The following HELZ variants were observed in gnomAD, a reference collection of about 807,000 sequenced individuals.
The protein encoded by HELZ is ATP-dependent RNA helicase with zinc finger domain.
In HELZ, 23 loss-of-function variants were observed where a neutral mutation model predicts 218.2. The ratio of observed to expected loss-of-function variants is 0.11; its 90% CI spans 0.08 to 0.15. The LOEUF is 0.15. Among genes scored for constraint, HELZ ranks in the 10% least tolerant of loss-of-function variants. The pLI is 1.00. For synonymous variants in HELZ, 814 were observed against 829.4 expected (o/e 0.98, Z 0.32); for missense variants, 1,813 against 2,353.7 (o/e 0.77, Z 4.75).
chr17:67,245,620 C>A, upstream of HELZ: 1 of 757,080 alleles, frequency 1.3e-6, no homozygotes, highest in Non-Finnish European at 1.6e-6. Context: ...TTCCAGGAAG[C>A]CCGCGAGCGG....
At chr17:67,133,587 T>C (rs2038054085) in intron 23 of HELZ, among the ~76,000 whole-genome samples, 1 of 152,104 alleles carries the variant, frequency 6.6e-6, no homozygotes, top group Non-Finnish European at 1.5e-5. Flanking sequence ...AGTGGCGTGA[T>C]CACTAGAGCC....
chr17:67,127,163 C>T (rs2037825950), intron 24 of HELZ, among the ~76,000 whole-genome samples: 1 of 152,150 alleles, frequency 6.6e-6, no homozygotes, highest in African/African-American at 2.4e-5. Context: ...AACAAGATCT[C>T]CTTGGTAGAA....
chr17:67,219,314 C>G (rs983194875), intron 3 of HELZ, among the ~76,000 whole-genome samples: 1 of 152,222 alleles, frequency 6.6e-6, no homozygotes, highest in African/African-American at 2.4e-5. Flanking sequence ...ACTGTATGAA[C>G]TGTCCATTAA....
chr17:67,144,484 TA>T (rs202236292), intron 21 of HELZ, among the ~76,000 whole-genome samples: 1,939 of 129,206 alleles, frequency 0.015, 30 homozygotes, highest in African/African-American at 0.043. Context: ...GAACAAATAT[TA>T]AAAAAAAAAA....
chr17:67,244,551 T>C, intron 1 of HELZ: 1 of 934,244 alleles, frequency 1.1e-6, no homozygotes, highest in Non-Finnish European at 1.3e-6. Flanking sequence ...TTGATGTGCT[T>C]GTGGGCCAAA....
intron 2 of HELZ, among the ~76,000 whole-genome samples, chr17:67,242,883 TG>T (rs2041364042): frequency 6.6e-6 from 1 of 151,574 alleles, no homozygotes; most frequent in Non-Finnish European, 1.5e-5. Context: ...ACAGATGTTG[TG>T]ATAGACACGA....
At chr17:67,088,676 G>A (rs1280327516) in intron 31 of HELZ, among the ~76,000 whole-genome samples, 1 of 152,170 alleles carries the variant, frequency 6.6e-6, no homozygotes, top group Non-Finnish European at 1.5e-5. Context: ...CTGCCATCTG[G>A]TTAATTTCTT....
Position 67,087,018 on chromosome 17 carries a change from G to A in HELZ, c.5305C>T (p.Pro1769Ser). 6.2e-7 allele frequency: 1 copy of A among 1,613,930 alleles called. No homozygotes were observed. Among genetic ancestry groups the A allele is most frequent in the Non-Finnish European group, 8.5e-7 (1 of 1,179,876 alleles). Residue 1769 changes from proline to serine, a missense_variant, in exon 32 of 33, where the codon CCT becomes TCT. Pro to Ser is a moderately conservative substitution (Grantham distance 74). Around this residue, in one of 4 missense-constraint regions of HELZ, gnomAD observed 938 missense variants for 1,027.5 expected, o/e 0.91. Coordinates refer to ENST00000358691, the MANE Select transcript of HELZ (RefSeq NM_014877.4). The stretch of plus-strand genomic sequence containing the variant: ...GGAGTGCTTACTTCTTCAGAACAAG[G>A]TTGAACTGAGCTAGATGAGATTCTT... ...QRRISSSSVQ[P>S]CSEEVSTPQD...
chr17:67,103,856 T>C (rs2037005626), intron 31 of HELZ, among the ~76,000 whole-genome samples: 1 of 152,194 alleles, frequency 6.6e-6, no homozygotes, highest in African/African-American at 2.4e-5. Context: ...ACTACAATAC[T>C]ACAGTGTACA....
Position 67,214,259 on chromosome 17 carries a change from C to CTTTTTT in HELZ, c.247+1634_247+1639dup, listed in dbSNP as rs777420102. On this transcript the variant is annotated intron_variant, in intron 5 of 32. Coordinates refer to ENST00000358691, the MANE Select transcript of HELZ (RefSeq NM_014877.4). ...TTAATGAATGGTTAAATTAATATTT[C>CTTTTTT]TTTTTTTTTTTTTTTTTTTTTTTTG... 3.3e-4 allele frequency among the ~76,000 whole-genome samples: 29 copies of CTTTTTT among 87,728 alleles called. 1 individual carries two copies. Among genetic ancestry groups the CTTTTTT allele is most frequent in the East Asian group, 3.9e-4 (1 of 2,532 alleles). 57.6% of individuals were successfully genotyped at this position (87,728 alleles called of 152,430 possible).
chr17:67,179,938 C>A (rs1333830934), intron 12 of HELZ, among the ~76,000 whole-genome samples: 1 of 152,058 alleles, frequency 6.6e-6, no homozygotes, highest in South Asian at 2.1e-4. Flanking sequence ...ATTGCCATGT[C>A]TTTTTTAGTG....
chr17:67,130,542 A>G (rs1274190150), intron 23 of HELZ, among the ~76,000 whole-genome samples: 1 of 152,214 alleles, frequency 6.6e-6, no homozygotes, highest in Non-Finnish European at 1.5e-5. Flanking sequence ...CAGGAAATAC[A>G]TGCTGAAAAG....
chr17:67,202,750 C>T (rs1368917896), intron 6 of HELZ, among the ~76,000 whole-genome samples: 1 of 152,168 alleles, frequency 6.6e-6, no homozygotes, highest in African/African-American at 2.4e-5. Flanking sequence ...AAGAAAATCA[C>T]TTAGTTAACC....
At chr17:67,150,898 A>C (rs2038662044) in intron 18 of HELZ, 148 bp downstream of exon 18, 1 of 648,762 alleles carries the variant, frequency 1.5e-6, no homozygotes, top group Non-Finnish European at 2.7e-6. Context: ...TATAGACAAT[A>C]AATAGGTAAA....
At chr17:67,142,524 A>C (rs569362960) in intron 21 of HELZ, among the ~76,000 whole-genome samples, 10 of 152,246 alleles carry the variant, frequency 6.6e-5, no homozygotes, top group African/African-American at 2.2e-4. Context: ...AAAACAAAAC[A>C]AACAGGCAGA....
At chr17:67,091,988 GACTATC>G (rs1267264440) in intron 31 of HELZ, among the ~76,000 whole-genome samples, 1 of 152,050 alleles carries the variant, frequency 6.6e-6, no homozygotes, top group Non-Finnish European at 1.5e-5. Flanking sequence ...GCAAGGAGAG[GACTATC>G]ACTATAAGAC....
chr17:67,152,835 C>G (rs963047479), intron 17 of HELZ, among the ~76,000 whole-genome samples: 49 of 148,794 alleles, frequency 3.3e-4, no homozygotes, highest in African/African-American at 1.1e-3. Flanking sequence ...CATTCAGAAG[C>G]TGGGAAAGGA....
intron 13 of HELZ, among the ~76,000 whole-genome samples, chr17:67,169,636 G>C (rs1176900167): frequency 6.6e-6 from 1 of 152,114 alleles, no homozygotes; most frequent in African/African-American, 2.4e-5. Context: ...ACAGCATTCT[G>C]CCCATAGCCT....
chr17:67,154,402 C>T (rs1043327018), intron 17 of HELZ, among the ~76,000 whole-genome samples: 2 of 152,098 alleles, frequency 1.3e-5, no homozygotes, highest in Non-Finnish European at 2.9e-5. Flanking sequence ...GCACTCCAGC[C>T]TGGGTTACAG....
Sources: gnomAD v4.1 joint callset for allele counts (sites outside exome capture counted in the v4.1 genomes callset) on GRCh38, gnomAD v4.1.1 for gene constraint, gnomAD v4.1.1 regional missense constraint, MANE v1.5 for transcripts, NCBI Gene and HGNC (gene_info 2026-07-23, HGNC 2026-07-21) for gene names.